Variants in NUP210 observed in about 807,000 individuals in gnomAD.
NUP210 encodes nucleoporin 210, also known as nuclear pore membrane glycoprotein 210.
A neutral mutation model predicts 196.0 loss-of-function variants in NUP210; 151 were observed. The observed-to-expected ratio is 0.77, with a 90% CI of 0.67 to 0.88. The LOEUF (loss-of-function observed/expected upper bound fraction) is 0.88. NUP210 is among the 40% of genes least tolerant of loss of function. The probability of loss-of-function intolerance (pLI) is 0.00; values close to 1 mark genes in which losing one functional copy is unlikely to be tolerated. For synonymous variants in NUP210, 1,070 were observed against 1,052.7 expected (o/e 1.02, Z -0.32); for missense variants, 2,314 against 2,493.7 (o/e 0.93, Z 1.53).
At chr3:13,411,358 G>A (rs550024908) in intron 1 of NUP210, among the ~76,000 whole-genome samples, 43 of 152,338 alleles carry the variant, frequency 2.8e-4, no homozygotes, top group African/African-American at 9.6e-4. Context: ...TGGATCTGAG[G>A]CTGGTTTTGG....
Position 13,324,955 on chromosome 3 carries a change from A to G in NUP210, c.4644+840T>C, listed in dbSNP as rs1696686136. 3.9e-5 allele frequency among the ~76,000 whole-genome samples: 6 copies of G among 152,362 alleles called. No individual in the cohort carries two copies. In the South Asian group the frequency reaches 1.2e-3, roughly 32 times the overall value. ...ATTATACAGGCAAGAAAATCGGGAC[A>G]TAGCGAGACTCAATGATTGCTCAGT... On this transcript the variant is annotated intron_variant, in intron 33 of 39. Coordinates refer to ENST00000254508, the MANE Select transcript of NUP210 (RefSeq NM_024923.4).
At chr3:13,408,537 C>G (rs1356688172) in intron 1 of NUP210, among the ~76,000 whole-genome samples, 1 of 152,142 alleles carries the variant, frequency 6.6e-6, no homozygotes, top group African/African-American at 2.4e-5. Context: ...TGCCTATAAT[C>G]CCAGCACTTT....
At position 13,351,058 on chromosome 3, in the gene NUP210, G is replaced by A. The variant is rs889731042; in HGVS notation, c.2835+821C>T. Among the ~76,000 whole-genome samples, 6 of 152,212 alleles carry A rather than the reference G, an allele frequency of 3.9e-5. No individual in the cohort carries two copies. In the East Asian group the frequency reaches 1.2e-3, roughly 29 times the overall value. ...TGAAAAATTCACTAGAAGCGCACAAGAGTAGATTTAAACTGGCAAAAGAAA... is the reference window on the plus strand; with the variant it reads ...TGAAAAATTCACTAGAAGCGCACAAAAGTAGATTTAAACTGGCAAAAGAAA... On this transcript the variant is annotated intron_variant, in intron 20 of 39. Coordinates refer to ENST00000254508, the MANE Select transcript of NUP210 (RefSeq NM_024923.4).
At chr3:13,376,076 G>A (rs1698893547) in intron 10 of NUP210, among the ~76,000 whole-genome samples, 1 of 152,216 alleles carries the variant, frequency 6.6e-6, no homozygotes, top group African/African-American at 2.4e-5. Flanking sequence ...GGAACACCCA[G>A]GCCGATTTTC....
chr3:13,335,725 C>T (rs2124851249), intron 27 of NUP210, 113 bp from the exon 28 acceptor site: 2 of 1,196,758 alleles, frequency 1.7e-6, no homozygotes, highest in Non-Finnish European at 2.4e-6. Context: ...CTGGTAGCTG[C>T]TGGCCTGTTC....
chr3:13,386,490 T>C, intron 5 of NUP210, 83 bp from the exon 6 acceptor site: 1 of 1,528,388 alleles, frequency 6.5e-7, no homozygotes, highest in Non-Finnish European at 8.9e-7. Flanking sequence ...AAGAGATGTT[T>C]TAAACATGGG....
intron 31 of NUP210, among the ~76,000 whole-genome samples, 161 bp downstream of exon 31, chr3:13,328,610 T>G (rs1696871077): frequency 6.6e-6 from 1 of 152,228 alleles, no homozygotes; most frequent in African/African-American, 2.4e-5. Context: ...CAGTGGTGTT[T>G]CCTCGTGGCC....
intron 1 of NUP210, among the ~76,000 whole-genome samples, chr3:13,400,735 G>A (rs190323124): frequency 2.0e-5 from 3 of 152,248 alleles, no homozygotes; most frequent in East Asian, 1.9e-4. Context: ...CATGGAAAGC[G>A]GCTGGCCATG....
At chr3:13,337,541 G>A (rs145785595) in intron 26 of NUP210, among the ~76,000 whole-genome samples, 21 of 152,334 alleles carry the variant, frequency 1.4e-4, no homozygotes, top group African/African-American at 4.8e-4. Flanking sequence ...ACACCAAATG[G>A]ATTAATGTCC....
At chr3:13,357,689 G>A (rs911169802) in intron 16 of NUP210, among the ~76,000 whole-genome samples, 1 of 152,146 alleles carries the variant, frequency 6.6e-6, no homozygotes, top group Non-Finnish European at 1.5e-5. Flanking sequence ...AAGGGGAGCA[G>A]ACCTGTGGCT....
chr3:13,321,587 C>T lies in NUP210; in HGVS notation c.5164G>A (p.Glu1722Lys), dbSNP rs758773443. Residue 1722 changes from glutamate (E) to lysine (K), a missense_variant and splice_region_variant, in exon 36 of 40, where the codon GAG becomes AAG. By Grantham distance (56) the Glu-to-Lys change is moderately conservative (BLOSUM62 1). Coordinates refer to ENST00000254508, the MANE Select transcript of NUP210 (RefSeq NM_024923.4). ...TGAGGCATGCAGATGCCACTCACCT[C>T]CAAGTTCTCCAGAACCTCCGGGGCA... The part of the protein sequence containing the change: ...FGAPEVLENL[E>K]VKSGSPAVLA... 4 of 1,612,714 alleles carry T rather than the reference C, an allele frequency of 2.5e-6. No individual in the cohort carries two copies. Among genetic ancestry groups the T allele is most frequent in the Admixed American group, 3.3e-5 (2 of 59,992 alleles).
rs140460813 is a variant in NUP210, at chr3:13,352,156, G to A, written c.2657C>T (p.Ser886Phe). ...GTCCTCCACCAGGATGAGCTCTATGGAGGCCGACAGAGGCACCAGAGGGTC... is the reference window on the plus strand; with the variant it reads ...GTCCTCCACCAGGATGAGCTCTATGAAGGCCGACAGAGGCACCAGAGGGTC... Reference protein sequence around the residue: ...PHDPLVPLSASIELILVEDVR... With the variant: ...PHDPLVPLSAFIELILVEDVR... Residue 886 changes from serine to phenylalanine, a missense_variant, in exon 19 of 40, where the codon TCC becomes TTC. Physicochemically the swap from Ser to Phe is radical, Grantham distance 155. Transcript: ENST00000254508. 2 of 1,613,586 alleles carry A rather than the reference G, an allele frequency of 1.2e-6. No individual in the cohort carries two copies. The highest frequency in any genetic ancestry group is 1.7e-5 in the Admixed American group (1 of 60,000).
At chr3:13,396,148 G>T (rs894275613) in intron 3 of NUP210, among the ~76,000 whole-genome samples, 3 of 152,200 alleles carry the variant, frequency 2.0e-5, no homozygotes, top group African/African-American at 7.2e-5. Context: ...GGCCATTTTT[G>T]ATTGTCATGG....
chr3:13,416,592 G>A (rs1164903090), intron 1 of NUP210, among the ~76,000 whole-genome samples: 1 of 152,210 alleles, frequency 6.6e-6, no homozygotes, highest in Non-Finnish European at 1.5e-5. Context: ...TCCACCCCTG[G>A]GAAACCAATC....
Position 13,374,025 on chromosome 3 carries a change from A to G in NUP210, c.1432-152T>C. The stretch of plus-strand genomic sequence containing the variant: ...GGGTTCACCCATGCACACACTCACC[A>G]TTCACACTCACATGTACAGCTACTT... On this transcript the variant is annotated intron_variant, in intron 11 of 39. Transcript: ENST00000254508. 3.4e-6 allele frequency: 3 copies of G among 872,928 alleles called. No individual in the cohort carries two copies. In the South Asian group the frequency reaches 4.9e-5, roughly 14 times the overall value. 54.1% of individuals were successfully genotyped at this position (872,928 alleles called of 1,614,324 possible). A position where few individuals can be genotyped will look rare whatever the true frequency, so the allele number is the denominator to read the frequency against.
chr3:13,342,021 C>T lies in NUP210; in HGVS notation c.3067G>A (p.Ala1023Thr). The change falls in exon 22 of 40, where the codon GCA becomes ACA. Residue 1023 changes from alanine to threonine, a missense_variant. Ala to Thr is a moderately conservative substitution (Grantham distance 58). Transcript: ENST00000254508. ...ACCAATGTAATGATCGGGGAGGCTG[C>T]TCGGAGCTTCAGGTCCATAAAGGGG... ...YFPFMDLKLRAASPIITLVAL... is the reference protein window; with the variant it reads ...YFPFMDLKLRTASPIITLVAL... 3 of 1,614,204 alleles carry T rather than the reference C, an allele frequency of 1.9e-6. No individual in the cohort carries two copies. Among genetic ancestry groups the T allele is most frequent in the Non-Finnish European group, 2.5e-6 (3 of 1,180,038 alleles).
intron 39 of NUP210, 130 bp from the exon 40 acceptor site, chr3:13,317,911 C>T (rs886115429): frequency 2.5e-5 from 16 of 651,226 alleles, no homozygotes; most frequent in African/African-American, 2.2e-4. Flanking sequence ...GAGGCCTCCC[C>T]GGCCAGCAGA....
intron 5 of NUP210, among the ~76,000 whole-genome samples, chr3:13,387,093 C>T (rs541708262): frequency 6.6e-6 from 1 of 152,372 alleles, no homozygotes; most frequent in African/African-American, 2.4e-5. Context: ...AAAAACATTT[C>T]CTCAGGTGAA....
At chr3:13,376,163 G>A in intron 10 of NUP210, 128 bp downstream of exon 10, 2 of 879,188 alleles carry the variant, frequency 2.3e-6, no homozygotes, top group Non-Finnish European at 3.6e-6. Context: ...GATGCAAGTA[G>A]CCCAAACAGG....
Sources: gnomAD v4.1 joint callset for allele counts (sites outside exome capture counted in the v4.1 genomes callset) on GRCh38, gnomAD v4.1.1 for gene constraint, MANE v1.5 for transcripts, NCBI Gene and HGNC (gene_info 2026-07-23, HGNC 2026-07-21) for gene names.